Variants in DENND1A observed in about 807,000 individuals in gnomAD.
The protein encoded by DENND1A is DENN domain-containing protein 1A.
In DENND1A, 51 loss-of-function variants were observed where a neutral mutation model predicts 113.7. The observed-to-expected ratio is 0.45, with a 90% CI of 0.36 to 0.57. The LOEUF is 0.57. Among genes scored for constraint, DENND1A ranks in the 20% least tolerant of loss-of-function variants. The probability of loss-of-function intolerance (pLI) is 0.00; values close to 1 mark genes in which losing one functional copy is unlikely to be tolerated. For missense variants in DENND1A, 1,258 were observed against 1,395.9 expected, an observed-to-expected ratio of 0.90 and a Z score of 1.57; for synonymous variants, 565 against 570.8, an observed-to-expected ratio of 0.99 and a Z score of 0.14.
At chr9:123,766,899 C>T (rs1828913121) in intron 4 of DENND1A, among the ~76,000 whole-genome samples, 1 of 152,068 alleles carries the variant, frequency 6.6e-6, no homozygotes, top group South Asian at 2.1e-4. Flanking sequence ...TGTGAAAATC[C>T]ACCTCTTGAT....
At chr9:123,692,652 T>C (rs1211696802) in intron 5 of DENND1A, among the ~76,000 whole-genome samples, 1 of 152,212 alleles carries the variant, frequency 6.6e-6, no homozygotes, top group African/African-American at 2.4e-5. Context: ...AGATTTAGCA[T>C]GCTATAGTGA....
In DENND1A at chr9:123,652,033, T is replaced by G. The variant is rs375263687; in HGVS notation, c.598A>C (p.Ile200Leu). 13 of 1,614,092 alleles carry G rather than the reference T, an allele frequency of 8.1e-6. No homozygotes were observed. Among genetic ancestry groups the G allele is most frequent in the Non-Finnish European group, 1.1e-5 (13 of 1,179,992 alleles). ...CTCACAGTGCTGAGTTTGCTGCAAA[T>G]GATGAGTATCCGGCGTTCGTACAGC... ...SMLYERRILIICSKLSTLTAC... is the reference protein window; with the variant it reads ...SMLYERRILILCSKLSTLTAC... The change falls in exon 9 of 24, where the codon ATT becomes CTT. Residue 200 changes from isoleucine (I) to leucine (L), a missense_variant. Transcript: ENST00000394215.
At chr9:123,655,150 G>A (rs1427739283) in intron 8 of DENND1A, among the ~76,000 whole-genome samples, 3 of 152,100 alleles carry the variant, frequency 2.0e-5, no homozygotes, top group Non-Finnish European at 4.4e-5. Context: ...ACCTCCTCCC[G>A]GGAGACTTCC....
chr9:123,903,119 T>C (rs1292706968), intron 1 of DENND1A, among the ~76,000 whole-genome samples: 1 of 150,596 alleles, frequency 6.6e-6, no homozygotes, highest in Non-Finnish European at 1.5e-5. Context: ...GATCACGAGG[T>C]CAGGAGATCG....
chr9:123,827,392 A>AAT (rs56805562), intron 2 of DENND1A, among the ~76,000 whole-genome samples: 9,247 of 140,440 alleles, frequency 0.066, 364 homozygotes, highest in African/African-American at 0.12. Context: ...ATGGATATAT[A>AAT]ATATATATAT....
intron 5 of DENND1A, among the ~76,000 whole-genome samples, chr9:123,713,113 C>T (rs1044782361): frequency 1.3e-5 from 2 of 151,972 alleles, no homozygotes; most frequent in Admixed American, 6.6e-5. Context: ...AATCCCTGAC[C>T]GAGAGTTAAC....
intron 1 of DENND1A, among the ~76,000 whole-genome samples, chr9:123,887,967 T>C (rs935063488): frequency 2.0e-5 from 3 of 152,168 alleles, no homozygotes; most frequent in Non-Finnish European, 4.4e-5. Flanking sequence ...AAAGCATAAA[T>C]GTAACCTGAC....
In DENND1A at chr9:123,524,986, G is replaced by C. The variant is rs112755906; in HGVS notation, c.993+32584C>G. On this transcript the variant is annotated intron_variant, in intron 13 of 23. Transcript: ENST00000394215. Reference sequence around the variant, plus strand: ...AAAAATGAGGGAAGGACAGGGAGTAGATAGGCACTGCATACCTCTTATCGC... The same window carrying C: ...AAAAATGAGGGAAGGACAGGGAGTACATAGGCACTGCATACCTCTTATCGC... Among the ~76,000 whole-genome samples, 293 of 152,346 alleles carry C rather than the reference G, an allele frequency of 1.9e-3. 3 individuals carry two copies. The highest frequency in any genetic ancestry group is 6.5e-3 in the African/African-American group (271 of 41,574).
intron 2 of DENND1A, among the ~76,000 whole-genome samples, chr9:123,842,832 A>G (rs772022477): frequency 4.6e-5 from 7 of 152,198 alleles, no homozygotes; most frequent in Non-Finnish European, 7.3e-5. Context: ...AAATGCAAAA[A>G]TACTCAATAT....
intron 19 of DENND1A, among the ~76,000 whole-genome samples, chr9:123,419,543 T>A (rs2045054800): frequency 6.6e-6 from 1 of 152,226 alleles, no homozygotes; most frequent in South Asian, 2.1e-4. Flanking sequence ...TCCTGGCTAG[T>A]AGCCACATCA....
At chr9:123,604,208 C>T (rs2060050934) in intron 11 of DENND1A, among the ~76,000 whole-genome samples, 1 of 152,202 alleles carries the variant, frequency 6.6e-6, no homozygotes, top group South Asian at 2.1e-4. Flanking sequence ...CCTTTGCCTA[C>T]ACCTAAGTCT....
intron 1 of DENND1A, among the ~76,000 whole-genome samples, chr9:123,904,707 T>C (rs1852422994): frequency 6.6e-6 from 1 of 150,642 alleles, no homozygotes; most frequent in Admixed American, 6.6e-5. Flanking sequence ...TATGGGACTA[T>C]GTGAAAAGAC....
chr9:123,675,219 C>G (rs2064000773), intron 6 of DENND1A, among the ~76,000 whole-genome samples: 1 of 152,142 alleles, frequency 6.6e-6, no homozygotes, highest in East Asian at 1.9e-4. Context: ...ATGATTTAGT[C>G]ATTATACACA....
chr9:123,877,253 G>A (rs546785225), intron 2 of DENND1A, among the ~76,000 whole-genome samples: 1 of 152,304 alleles, frequency 6.6e-6, no homozygotes, highest in African/African-American at 2.4e-5. Context: ...CACTTTGGGA[G>A]GCTGAGGCAG....
intron 13 of DENND1A, among the ~76,000 whole-genome samples, chr9:123,518,665 C>A (rs895544351): frequency 3.3e-5 from 5 of 152,132 alleles, no homozygotes; most frequent in African/African-American, 1.2e-4. Context: ...ATGGAGCTAG[C>A]ACAGTACCTG....
chr9:123,483,480 G>T (rs2050525209), intron 13 of DENND1A, among the ~76,000 whole-genome samples: 1 of 152,246 alleles, frequency 6.6e-6, no homozygotes, highest in Non-Finnish European at 1.5e-5. Flanking sequence ...GCCTCTGTGT[G>T]CAGACAGTCT....
intron 8 of DENND1A, among the ~76,000 whole-genome samples, chr9:123,655,547 T>C (rs1314677538): frequency 6.6e-6 from 1 of 152,168 alleles, no homozygotes; most frequent in Non-Finnish European, 1.5e-5. Flanking sequence ...TAACTGGGAA[T>C]GGCGGAGGGA....
At chr9:123,557,766 C>T (rs2057507524) in intron 12 of DENND1A, 71 bp from the exon 13 acceptor site, 2 of 1,549,528 alleles carry the variant, frequency 1.3e-6, no homozygotes, top group Non-Finnish European at 1.8e-6. Context: ...AAGCCCACTA[C>T]ATATGGAGCC....
At chr9:123,686,137 T>A (rs1330276724) in intron 5 of DENND1A, among the ~76,000 whole-genome samples, 1 of 152,190 alleles carries the variant, frequency 6.6e-6, no homozygotes, top group African/African-American at 2.4e-5. Flanking sequence ...GAGTAGAAGC[T>A]AATGCAGTAA....
Sources: gnomAD v4.1 joint callset for allele counts (sites outside exome capture counted in the v4.1 genomes callset) on GRCh38, gnomAD v4.1.1 for gene constraint, MANE v1.5 for transcripts, NCBI Gene and HGNC (gene_info 2026-07-23, HGNC 2026-07-21) for gene names.